UBOX5: variants seen among roughly 807,000 people sequenced by gnomAD.
UBOX5 encodes the protein U-box domain containing 5.
UBOX5 carries 28 observed loss-of-function variants against 39.0 expected under a neutral mutation model. The ratio of observed to expected loss-of-function variants is 0.72; its 90% CI spans 0.53 to 0.98. The LOEUF is 0.98. Ranked by LOEUF, UBOX5 falls within the 50% of genes least tolerant of loss-of-function variation. The pLI, the probability that UBOX5 is intolerant of heterozygous loss-of-function variation, is 0.00. For missense variants in UBOX5, 585 were observed against 674.4 expected (o/e 0.87, Z 1.47); for synonymous variants, 283 against 275.5 (o/e 1.03, Z -0.27).
At chr20:3,113,544 G>A (rs932749657) in intron 4 of UBOX5, among the ~76,000 whole-genome samples, 3 of 152,154 alleles carry the variant, frequency 2.0e-5, no homozygotes, top group African/African-American at 7.2e-5. Flanking sequence ...GATACCAGCA[G>A]GGGCTACTGC....
chr20:3,144,557 T>C (rs889298134), intron 1 of UBOX5, among the ~76,000 whole-genome samples: 4 of 152,150 alleles, frequency 2.6e-5, no homozygotes, highest in African/African-American at 7.2e-5. Flanking sequence ...TCCCTGACCT[T>C]GGACTTGGCA....
intron 1 of UBOX5, among the ~76,000 whole-genome samples, chr20:3,153,234 A>G (rs2066649612): frequency 6.6e-6 from 1 of 152,264 alleles, no homozygotes; most frequent in African/African-American, 2.4e-5. Context: ...ACCATCTCCT[A>G]GAACATCAAT....
At chr20:3,146,759 A>G (rs1449865476) in intron 1 of UBOX5, 15 of 1,604,876 alleles carry the variant, frequency 9.3e-6, no homozygotes, top group African/African-American at 1.3e-5. Flanking sequence ...TGCCATAGAA[A>G]TGCCCCTAAA....
At chr20:3,118,810 G>A (rs879927711) in intron 3 of UBOX5, among the ~76,000 whole-genome samples, 7 of 152,052 alleles carry the variant, frequency 4.6e-5, no homozygotes, top group South Asian at 2.1e-4. Context: ...GTGTTGGCAC[G>A]CACCTATAGT....
At chr20:3,131,578 T>C (rs1030856968) in intron 1 of UBOX5, among the ~76,000 whole-genome samples, 1 of 152,260 alleles carries the variant, frequency 6.6e-6, no homozygotes, top group Non-Finnish European at 1.5e-5. Context: ...TTGCAAGCCC[T>C]GTGCTAGGCA....
At chr20:3,135,652 T>G (rs1342435702) in intron 1 of UBOX5, among the ~76,000 whole-genome samples, 2 of 151,976 alleles carry the variant, frequency 1.3e-5, no homozygotes, top group African/African-American at 4.9e-5. Context: ...AATGTCAGCA[T>G]GCACCACATA....
At chr20:3,128,999 T>C (rs2066410383) in intron 1 of UBOX5, among the ~76,000 whole-genome samples, 1 of 152,170 alleles carries the variant, frequency 6.6e-6, no homozygotes, top group Non-Finnish European at 1.5e-5. Flanking sequence ...AAAATCTTGG[T>C]ATACCCTTAG....
chr20:3,156,645 C>T (rs2066689191), intron 1 of UBOX5: 1 of 152,330 alleles, frequency 6.6e-6, no homozygotes, highest in African/African-American at 2.4e-5. Context: ...GCCCAAACCT[C>T]CCTGAATGAT....
rs960523305 is a variant in UBOX5 at position 3,159,823 on chromosome 20, C to A, written c.-99G>T. ...AAACCGGGGACGCCGCGGGCGGCGG[C>A]GACACAGATACTGGCTCCTCCGGCG... On this transcript the variant is annotated 5_prime_UTR_variant, in exon 1 of 5. Coordinates refer to ENST00000217173, the MANE Select transcript of UBOX5 (RefSeq NM_014948.4). 6.6e-6 allele frequency: 1 copy of A among 152,298 alleles called. No individual in the cohort carries two copies. The highest frequency in any genetic ancestry group is 1.5e-5 in the Non-Finnish European group (1 of 68,064). 9.4% of individuals were successfully genotyped at this position (152,298 alleles called of 1,614,324 possible).
chr20:3,146,823 C>G, intron 1 of UBOX5: 1 of 1,614,144 alleles, frequency 6.2e-7, no homozygotes, highest in South Asian at 1.1e-5. Flanking sequence ...GCCAACTTTT[C>G]TAAGCGAGTT....
chr20:3,118,766 C>T (rs553833505), intron 3 of UBOX5, among the ~76,000 whole-genome samples: 20 of 151,794 alleles, frequency 1.3e-4, no homozygotes, highest in Middle Eastern at 3.4e-3. Flanking sequence ...AGCGAGACTC[C>T]GTCTCAAAAA....
At chr20:3,144,639 T>C (rs941540465) in intron 1 of UBOX5, among the ~76,000 whole-genome samples, 3 of 152,066 alleles carry the variant, frequency 2.0e-5, no homozygotes, top group African/African-American at 7.2e-5. Context: ...TTCAACAAAA[T>C]TAAAAACAGA....
In UBOX5 at chr20:3,109,011, CG is replaced by C. The variant is rs2066232524; in HGVS notation, c.*1094del. 1.3e-5 allele frequency: 2 copies of C among 150,768 alleles called. No homozygotes were observed. The highest frequency in any genetic ancestry group is 2.9e-5 in the Non-Finnish European group (2 of 67,902). The allele number at this position is 150,768 out of a possible 1,614,324, so 9.3% of individuals were successfully genotyped here. ...ATTGGGTGTGGACTAGAGCTCTGGA[CG>C]GCCTAAAGGAAAGGAATGTGCCGGT... On this transcript the variant is annotated 3_prime_UTR_variant, in exon 5 of 5. Coordinates refer to ENST00000217173, the MANE Select transcript of UBOX5 (RefSeq NM_014948.4).
chr20:3,121,715 C>A lies in UBOX5; in HGVS notation c.924G>T (p.Thr308=), dbSNP rs753507933. Residue 308 remains threonine, a synonymous_variant, in exon 3 of 5, where the codon ACG becomes ACT. Transcript: ENST00000217173. The part of the protein sequence containing the change: ...TWGRVPSDPF[T]GVAFTPHSQP... ...GAGAGTGCGGAGTAAAAGCTACCCC[C>A]GTGAAAGGGTCACTGGGCACTCGGC... 1 of 1,614,048 alleles carries A rather than the reference C, an allele frequency of 6.2e-7. No individual in the cohort carries two copies. The highest frequency in any genetic ancestry group is 1.1e-5 in the South Asian group (1 of 91,080).
intron 1 of UBOX5, among the ~76,000 whole-genome samples, chr20:3,129,322 C>G (rs944716020): frequency 3.3e-5 from 5 of 152,176 alleles, no homozygotes; most frequent in Admixed American, 3.3e-4. Context: ...ACACCACTAT[C>G]TGACAGATTT....
chr20:3,137,304 T>C (rs1412856201), intron 1 of UBOX5, among the ~76,000 whole-genome samples: 2 of 152,168 alleles, frequency 1.3e-5, no homozygotes, highest in East Asian at 3.8e-4. Flanking sequence ...TAGACTCATG[T>C]GTAGTTGTTA....
At chr20:3,119,159 C>T (rs543741212) in intron 3 of UBOX5, among the ~76,000 whole-genome samples, 38 of 152,316 alleles carry the variant, frequency 2.5e-4, no homozygotes, top group African/African-American at 8.2e-4. Flanking sequence ...GGATTTCCCT[C>T]GTCTGTGCAC....
At chr20:3,124,757 C>A (rs1302465547) in intron 1 of UBOX5, among the ~76,000 whole-genome samples, 1 of 150,850 alleles carries the variant, frequency 6.6e-6, no homozygotes, top group Non-Finnish European at 1.5e-5. Flanking sequence ...GTGAGGAGCG[C>A]CTCTGCCCAG....
chr20:3,144,947 G>C (rs2066547339), intron 1 of UBOX5, among the ~76,000 whole-genome samples: 1 of 152,138 alleles, frequency 6.6e-6, no homozygotes, highest in South Asian at 2.1e-4. Context: ...TATGAGGGTA[G>C]GGGGAGTTTA....
Sources: gnomAD v4.1 joint callset for allele counts (sites outside exome capture counted in the v4.1 genomes callset) on GRCh38, gnomAD v4.1.1 for gene constraint, MANE v1.5 for transcripts, NCBI Gene and HGNC (gene_info 2026-07-23, HGNC 2026-07-21) for gene names.